The following CEP112 variants were observed in gnomAD, a reference collection of about 807,000 sequenced individuals.
CEP112 encodes the protein centrosomal protein 112.
In CEP112, 127 loss-of-function variants were observed where a neutral mutation model predicts 153.0. That is an observed-to-expected ratio of 0.83 (90% confidence interval 0.72 to 0.96). The LOEUF is 0.96. Among genes scored for constraint, CEP112 ranks in the 40% least tolerant of loss-of-function variants. CEP112 has a pLI of 0.00. For synonymous variants in CEP112, 358 were observed against 374.4 expected, an observed-to-expected ratio of 0.96 and a Z score of 0.51; for missense variants, 1,089 against 1,101.2, an observed-to-expected ratio of 0.99 and a Z score of 0.16.
In CEP112 at chr17:65,664,936, C is replaced by T. The variant is rs147575644; in HGVS notation, c.2698-23871G>A. Among the ~76,000 whole-genome samples the T allele has an allele frequency of 1.8e-3, 279 of 152,352 alleles. 5 individuals carry two copies. Among genetic ancestry groups the T allele is most frequent in the Admixed American group, 0.015 (237 of 15,310 alleles). On this transcript the variant is annotated intron_variant, in intron 24 of 26. Transcript: ENST00000535342. ...GTTTAGGTGAGGGCTCTCCTCCTGA[C>T]TTGCAGATGGCTGCCTCCTTACTGT...
chr17:65,839,900 C>T (rs1306357580), intron 21 of CEP112, among the ~76,000 whole-genome samples: 1 of 151,334 alleles, frequency 6.6e-6, no homozygotes, highest in African/African-American at 2.4e-5. Flanking sequence ...GAAAAAAAAT[C>T]AAGAAAGCAA....
At chr17:65,790,563 C>T (rs1223124464) in intron 21 of CEP112, among the ~76,000 whole-genome samples, 1 of 152,184 alleles carries the variant, frequency 6.6e-6, no homozygotes, top group Non-Finnish European at 1.5e-5. Context: ...CTAAATCATT[C>T]TCTCTTCAGT....
intron 24 of CEP112, among the ~76,000 whole-genome samples, chr17:65,673,442 A>G (rs1377085593): frequency 6.6e-6 from 1 of 152,124 alleles, no homozygotes; most frequent in Non-Finnish European, 1.5e-5. Context: ...ATCTGGGATC[A>G]TCTGCCTTTT....
intron 4 of CEP112, among the ~76,000 whole-genome samples, chr17:66,157,026 A>C (rs2071473507): frequency 6.6e-6 from 1 of 152,198 alleles, no homozygotes. Context: ...AAATACAGAG[A>C]GCACTACAAA....
At chr17:65,739,075 G>T (rs574617450) in intron 23 of CEP112, among the ~76,000 whole-genome samples, 4 of 152,268 alleles carry the variant, frequency 2.6e-5, no homozygotes, top group South Asian at 2.1e-4. Flanking sequence ...ATTTCTCTTT[G>T]ACATCAGCTA....
chr17:66,184,967 AG>A (rs199999642), intron 1 of CEP112, among the ~76,000 whole-genome samples: 5,195 of 152,308 alleles, frequency 0.034, 132 homozygotes, highest in Middle Eastern at 0.061. Flanking sequence ...GCTAAGTGAA[AG>A]AAGCCCTTCT....
intron 20 of CEP112, among the ~76,000 whole-genome samples, chr17:65,866,189 C>T (rs1007086396): frequency 6.6e-5 from 10 of 152,202 alleles, no homozygotes; most frequent in African/African-American, 2.4e-4. Context: ...ACTGCCTGGC[C>T]TCTCCCTGCT....
chr17:65,868,906 G>A lies in CEP112; in HGVS notation c.2164-16872C>T, dbSNP rs532966224. Among the ~76,000 whole-genome samples, 12 of 152,282 alleles carry A rather than the reference G, an allele frequency of 7.9e-5. No homozygotes were observed. In the South Asian group the frequency reaches 1.0e-3, roughly 13 times the overall value. On this transcript the variant is annotated intron_variant, in intron 20 of 26. Coordinates refer to ENST00000535342, the MANE Select transcript of CEP112 (RefSeq NM_001199165.4). ...CAGGTGAGGCAACATTTTGCTGTAC[G>A]TTTCTGAATTAAAGTTTACATTTCT... is the stretch of plus-strand genomic sequence containing the variant.
At chr17:65,934,487 C>G (rs562905039) in intron 18 of CEP112, among the ~76,000 whole-genome samples, 1 of 152,222 alleles carries the variant, frequency 6.6e-6, no homozygotes, top group African/African-American at 2.4e-5. Context: ...AACAAAGAAT[C>G]TACAAAACAA....
At chr17:65,640,846 A>G (rs1330849186) in intron 25 of CEP112, 118 bp downstream of exon 25, 5 of 684,740 alleles carry the variant, frequency 7.3e-6, no homozygotes, top group Non-Finnish European at 1.3e-5. Flanking sequence ...CCTGAGTAGT[A>G]GGTTATGCAA....
At chr17:66,017,689 T>C (rs868677105) in intron 16 of CEP112, among the ~76,000 whole-genome samples, 3 of 152,056 alleles carry the variant, frequency 2.0e-5, no homozygotes, top group South Asian at 2.1e-4. Flanking sequence ...ATCAATACTT[T>C]TGGTGGGTTA....
At chr17:65,724,841 A>G (rs1422135144) in intron 23 of CEP112, among the ~76,000 whole-genome samples, 1 of 152,154 alleles carries the variant, frequency 6.6e-6, no homozygotes, top group Non-Finnish European at 1.5e-5. Context: ...TTGCCATTTC[A>G]GTCTAGCCCC....
chr17:66,116,953 G>A (rs182782243), intron 6 of CEP112, among the ~76,000 whole-genome samples: 4 of 142,866 alleles, frequency 2.8e-5, no homozygotes, highest in East Asian at 2.3e-4. Flanking sequence ...TGCAACCTCC[G>A]CCTCCTGGGT....
At chr17:65,807,625 C>T (rs888519447) in intron 21 of CEP112, among the ~76,000 whole-genome samples, 16 of 152,190 alleles carry the variant, frequency 1.1e-4, no homozygotes, top group Non-Finnish European at 1.6e-4. Flanking sequence ...GCCTCTCTGG[C>T]TCCAGTTGTA....
chr17:65,641,306 G>A (rs2045122018), intron 24 of CEP112, among the ~76,000 whole-genome samples: 3 of 152,146 alleles, frequency 2.0e-5, no homozygotes, highest in Admixed American at 2.0e-4. Flanking sequence ...AAATCCTCAT[G>A]AACACAATTT....
chr17:65,781,376 T>G (rs981659448), intron 21 of CEP112, among the ~76,000 whole-genome samples: 3 of 152,154 alleles, frequency 2.0e-5, no homozygotes, highest in Non-Finnish European at 4.4e-5. Flanking sequence ...CATTCTATGA[T>G]CATGGATTGG....
intron 17 of CEP112, among the ~76,000 whole-genome samples, chr17:65,999,532 C>A (rs957280521): frequency 6.6e-6 from 1 of 151,390 alleles, no homozygotes; most frequent in East Asian, 1.9e-4. Flanking sequence ...CCTATATTTA[C>A]TCATTATTTG....
intron 21 of CEP112, among the ~76,000 whole-genome samples, chr17:65,787,045 T>G (rs1167267512): frequency 1.3e-5 from 2 of 152,204 alleles, no homozygotes; most frequent in Non-Finnish European, 2.9e-5. Flanking sequence ...GTGCTCTCTA[T>G]TCTGTTTCTT....
chr17:65,678,588 G>A (rs940232637), intron 24 of CEP112, among the ~76,000 whole-genome samples: 5 of 152,158 alleles, frequency 3.3e-5, no homozygotes, highest in Admixed American at 2.0e-4. Flanking sequence ...CAGCCCCAAG[G>A]CAGGCAAAGC....
Sources: gnomAD v4.1 joint callset for allele counts (sites outside exome capture counted in the v4.1 genomes callset) on GRCh38, gnomAD v4.1.1 for gene constraint, MANE v1.5 for transcripts, NCBI Gene and HGNC (gene_info 2026-07-23, HGNC 2026-07-21) for gene names.